The following KIF4A variants were observed in gnomAD, a reference collection of about 807,000 sequenced individuals.
KIF4A encodes kinesin family member 4A, also known as chromosome-associated kinesin KIF4A.
A neutral mutation model predicts 105.9 loss-of-function variants in KIF4A; 7 were observed. The ratio of observed to expected loss-of-function variants is 0.07; its 90% confidence interval spans 0.04 to 0.12. The LOEUF is 0.12. Ranked by LOEUF, KIF4A falls within the 10% of genes least tolerant of loss-of-function variation. The pLI, the probability that KIF4A is intolerant of heterozygous loss-of-function variation, is 1.00. For missense variants in KIF4A, 558 were observed against 929.2 expected (o/e 0.60, Z 5.19); for synonymous variants, 281 against 331.3 (o/e 0.85, Z 1.65).
intron 15 of KIF4A, among the ~76,000 whole-genome samples, chrX:70,368,545 C>T (rs375176234): frequency 3.6e-5 from 4 of 111,988 alleles, no homozygotes; most frequent in Non-Finnish European, 7.5e-5. Context: ...GTATCAGCAG[C>T]GGAGGCTGCA....
intron 17 of KIF4A, among the ~76,000 whole-genome samples, chrX:70,375,618 T>C (rs753620797): frequency 4.5e-5 from 5 of 111,829 alleles, no homozygotes; most frequent in Non-Finnish European, 9.4e-5. Flanking sequence ...CTTAGTGGGT[T>C]ATATCCTGAT....
intron 13 of KIF4A, among the ~76,000 whole-genome samples, chrX:70,352,081 G>A (rs888770484): frequency 8.9e-6 from 1 of 111,919 alleles, no homozygotes; most frequent in African/African-American, 3.2e-5. Context: ...CTTTATAGAG[G>A]AAGATCCTGC....
chrX:70,399,333 C>G (rs1339380603), intron 22 of KIF4A, among the ~76,000 whole-genome samples: 3 of 111,427 alleles, frequency 2.7e-5, no homozygotes, highest in African/African-American at 9.8e-5. Context: ...ATAGAGCGAG[C>G]CTGTTGCTTT....
chrX:70,321,656 T>G (rs1275718216), intron 7 of KIF4A, among the ~76,000 whole-genome samples: 1 of 111,935 alleles, frequency 8.9e-6, no homozygotes, highest in Non-Finnish European at 1.9e-5. Context: ...CAACTGACTT[T>G]CTGCCCTCAG....
intron 27 of KIF4A, 98 bp from the exon 28 acceptor site, chrX:70,406,795 T>C: frequency 1.1e-6 from 1 of 910,488 alleles, no homozygotes; most frequent in Non-Finnish European, 1.6e-6. Context: ...ATCTTTGCTC[T>C]GAGAATATAG....
chrX:70,384,291 A>C (rs979155792), intron 18 of KIF4A, among the ~76,000 whole-genome samples: 24 of 111,962 alleles, frequency 2.1e-4, no homozygotes, highest in African/African-American at 7.5e-4. Flanking sequence ...AAATGAAGGA[A>C]GTAGGGCAAC....
intron 13 of KIF4A, among the ~76,000 whole-genome samples, chrX:70,345,797 G>A (rs1028935262): frequency 9.0e-6 from 1 of 111,618 alleles, no homozygotes; most frequent in Non-Finnish European, 1.9e-5. Context: ...TGGGAGAGGT[G>A]GCAAAATAGG....
At chrX:70,296,086 T>TTC (rs2085782152) in intron 3 of KIF4A, among the ~76,000 whole-genome samples, 1 of 83,316 alleles carries the variant, frequency 1.2e-5, no homozygotes, top group East Asian at 3.6e-4. Context: ...AATGATGCTT[T>TTC]TTTTTTTTTT....
At chrX:70,308,845 AG>A (rs754716713) in intron 7 of KIF4A, among the ~76,000 whole-genome samples, 1 of 112,283 alleles carries the variant, frequency 8.9e-6, no homozygotes, top group Non-Finnish European at 1.9e-5. Context: ...CCTGAGCTCA[AG>A]CAATCTGCCT....
intron 25 of KIF4A, 84 bp downstream of exon 25, chrX:70,404,906 A>G: frequency 1.7e-6 from 1 of 594,409 alleles, no homozygotes; most frequent in Non-Finnish European, 2.7e-6. Context: ...TACTTGCAGC[A>G]GAGAGTAATT....
At chrX:70,303,473 TATTA>T (rs765416944) in intron 7 of KIF4A, among the ~76,000 whole-genome samples, 5 of 112,099 alleles carry the variant, frequency 4.5e-5, no homozygotes, top group Non-Finnish European at 9.4e-5. Flanking sequence ...GAAGGAAAAA[TATTA>T]ATTGAGGAAT....
At chrX:70,341,196 T>C (rs1602756973) in intron 10 of KIF4A, among the ~76,000 whole-genome samples, 1 of 111,952 alleles carries the variant, frequency 8.9e-6, no homozygotes, top group African/African-American at 3.2e-5. Context: ...AGCAAGCATT[T>C]AGAAGGGAGC....
At chrX:70,384,839 T>C (rs2086211401) in intron 18 of KIF4A, among the ~76,000 whole-genome samples, 1 of 110,144 alleles carries the variant, frequency 9.1e-6, no homozygotes, top group Non-Finnish European at 1.9e-5. Context: ...TTTTTTTTTT[T>C]TTGGTCTCAC....
chrX:70,324,127 A>G lies in KIF4A; in HGVS notation c.779-5278A>G, dbSNP rs2085902002. On this transcript the variant is annotated intron_variant, in intron 7 of 30. Coordinates refer to ENST00000374403, the MANE Select transcript of KIF4A (RefSeq NM_012310.5). ...GCATGAGCCACCATACCCGACCAAT[A>G]TTTATATTCTTAATATAAGATGTAC... Among the ~76,000 whole-genome samples, 2 of 111,896 alleles carry G rather than the reference A, an allele frequency of 1.8e-5. 1 individual carries two copies. The highest frequency in any genetic ancestry group is 7.4e-4 in the South Asian group (2 of 2,691).
intron 13 of KIF4A, among the ~76,000 whole-genome samples, chrX:70,345,950 A>G (rs2085990886): frequency 9.0e-6 from 1 of 111,585 alleles, no homozygotes; most frequent in Non-Finnish European, 1.9e-5. Context: ...CAGAAAATTC[A>G]GGAAGGCATC....
intron 22 of KIF4A, among the ~76,000 whole-genome samples, chrX:70,398,756 A>G (rs530255774): frequency 8.9e-6 from 1 of 112,178 alleles, no homozygotes; most frequent in South Asian, 3.8e-4. Context: ...AGCTTGTTGA[A>G]GGAAAGGACT....
chrX:70,342,464 T>C (rs2085976105), intron 11 of KIF4A, among the ~76,000 whole-genome samples: 1 of 112,421 alleles, frequency 8.9e-6, no homozygotes, highest in Non-Finnish European at 1.9e-5. Flanking sequence ...TGACTCCTAC[T>C]ACCTGCTTGT....
At chrX:70,296,082 G>GTT (rs1403104531) in intron 3 of KIF4A, among the ~76,000 whole-genome samples, 2 of 33,386 alleles carry the variant, frequency 6.0e-5, no homozygotes, top group Non-Finnish European at 1.0e-4. Context: ...AATAAATGAT[G>GTT]CTTTTTTTTT....
chrX:70,341,525 G>T (rs2085972238), intron 10 of KIF4A, among the ~76,000 whole-genome samples: 1 of 111,398 alleles, frequency 9.0e-6, no homozygotes, highest in Admixed American at 9.6e-5. Flanking sequence ...CAAGATAGAG[G>T]TTAGTCATTC....
Sources: allele counts gnomAD v4.1 joint callset (sites outside exome capture counted in the v4.1 genomes callset), GRCh38; gene constraint gnomAD v4.1.1; transcripts MANE v1.5; gene names NCBI Gene and HGNC (gene_info 2026-07-23, HGNC 2026-07-21).